Variants in ARMC10 observed in about 807,000 individuals in gnomAD.
The protein encoded by ARMC10 is armadillo repeat-containing protein 10.
In ARMC10, 23 loss-of-function variants were observed where a neutral mutation model predicts 30.2. The observed-to-expected ratio is 0.76, with a 90% CI of 0.55 to 1.08. The LOEUF (loss-of-function observed/expected upper bound fraction) is 1.08. ARMC10 is among the 50% of genes least tolerant of loss of function. The pLI is 0.00. For missense variants in ARMC10, 303 were observed against 413.7 expected, an observed-to-expected ratio of 0.73 and a Z score of 2.32; for synonymous variants, 111 against 164.4, an observed-to-expected ratio of 0.68 and a Z score of 2.48.
At chr7:103,088,201 A>G (rs1344021710) in intron 4 of ARMC10, among the ~76,000 whole-genome samples, 1 of 152,212 alleles carries the variant, frequency 6.6e-6, no homozygotes, top group Admixed American at 6.5e-5. Context: ...AGACGTATAG[A>G]TCCAGATGAG....
In ARMC10 at chr7:103,075,774, C is replaced by A. The variant is rs777901204; in HGVS notation, c.140-3C>A. ...AGAGCCATAGGTCAATCTCTGCTTG[C>A]AGGTGCCCTGGAAGAAGGGACGTCA... On this transcript the variant is annotated splice_region_variant and splice_polypyrimidine_tract_variant and intron_variant, in intron 1 of 6. Transcript: ENST00000323716. 6.2e-7 allele frequency: 1 copy of A among 1,603,470 alleles called. No homozygotes were observed. Among genetic ancestry groups the A allele is most frequent in the Non-Finnish European group, 8.5e-7 (1 of 1,175,166 alleles).
Position 103,075,869 on chromosome 7 carries a change from A to C in ARMC10, c.232A>C (p.Thr78Pro), listed in dbSNP as rs1159854658. Reference protein sequence around the residue: ...GGTWESQWSKTSQPEDLTDGS... With the variant: ...GGTWESQWSKPSQPEDLTDGS... ...TACCTGGGAGTCACAGTGGTCCAAG[A>C]CCTCGCAGCCTGGTGTGTGTTTTGG... Residue 78 changes from threonine (T) to proline (P), a missense_variant, in exon 2 of 7, where the codon ACC becomes CCC. Thr to Pro is a conservative substitution (Grantham distance 38, BLOSUM62 -1). Around this residue, in one of 4 missense-constraint regions of ARMC10, gnomAD observed 96 missense variants for 84.2 expected, o/e 1.14. Transcript: ENST00000323716. 2 of 1,602,428 alleles carry C rather than the reference A, an allele frequency of 1.2e-6. No individual in the cohort carries two copies. Among genetic ancestry groups the C allele is most frequent in the South Asian group, 2.2e-5 (2 of 89,182 alleles).
intron 2 of ARMC10, chr7:103,082,042 A>T: frequency 8.2e-6 from 3 of 366,516 alleles, no homozygotes; most frequent in South Asian, 2.1e-5. Context: ...GTTTGGATGA[A>T]CCCCAAATTC....
intron 2 of ARMC10, among the ~76,000 whole-genome samples, chr7:103,083,428 G>A (rs533354621): frequency 6.6e-6 from 1 of 152,170 alleles, no homozygotes; most frequent in South Asian, 2.1e-4. Flanking sequence ...AGACCAGCCT[G>A]GGCAACATAG....
chr7:103,092,544 G>T lies in ARMC10; in HGVS notation c.596G>T (p.Gly199Val). The change falls in exon 5 of 7, where the codon GGA becomes GTA. Residue 199 changes from glycine (G) to valine (V), a missense_variant. Around this residue, in one of 4 missense-constraint regions of ARMC10, gnomAD observed 170 missense variants for 207.2 expected, o/e 0.82. Coordinates refer to ENST00000323716, the MANE Select transcript of ARMC10 (RefSeq NM_031905.5). ...CTGAACTCTGCTGTGCAGCTGGCTG[G>T]ACTGACATTGTTGACAAACATGACT... ...GPLNSAVQLA[G>V]LTLLTNMTVT... 1 of 1,610,210 alleles carries T rather than the reference G, an allele frequency of 6.2e-7. No individual in the cohort carries two copies.
At chr7:103,097,999 G>A (rs1413781121) in intron 6 of ARMC10, among the ~76,000 whole-genome samples, 1 of 152,052 alleles carries the variant, frequency 6.6e-6, no homozygotes, top group Non-Finnish European at 1.5e-5. Context: ...AAAAGAAAAT[G>A]GTTGTTTTTC....
At chr7:103,076,914 G>A (rs1799915821) in intron 2 of ARMC10, among the ~76,000 whole-genome samples, 1 of 152,140 alleles carries the variant, frequency 6.6e-6, no homozygotes, top group South Asian at 2.1e-4. Flanking sequence ...TTTCAGACAG[G>A]GACTCCCTCT....
intron 5 of ARMC10, chr7:103,096,905 T>C: frequency 4.3e-6 from 1 of 231,302 alleles, no homozygotes; most frequent in South Asian, 1.1e-4. Flanking sequence ...CCTGACATTA[T>C]AATTGGGAAA....
intron 3 of ARMC10, among the ~76,000 whole-genome samples, chr7:103,086,057 T>C (rs1002292628): frequency 6.6e-6 from 1 of 152,168 alleles, no homozygotes; most frequent in African/African-American, 2.4e-5. Context: ...TCTTCAAGAT[T>C]CCCAATGCAC....
chr7:103,076,406 C>T (rs1055720001), intron 2 of ARMC10, among the ~76,000 whole-genome samples: 1 of 152,152 alleles, frequency 6.6e-6, no homozygotes, highest in Non-Finnish European at 1.5e-5. Context: ...TAAAAACTCA[C>T]AGAGTTGGGG....
At chr7:103,078,496 T>C (rs754319246) in intron 2 of ARMC10, among the ~76,000 whole-genome samples, 6 of 152,176 alleles carry the variant, frequency 3.9e-5, no homozygotes, top group Non-Finnish European at 8.8e-5. Context: ...TCCACCATGA[T>C]TGTAAGTTTC....
At chr7:103,098,150 A>C (rs1005017853) in intron 6 of ARMC10, 149 bp from the exon 7 acceptor site, 5 of 958,298 alleles carry the variant, frequency 5.2e-6, no homozygotes, top group South Asian at 4.6e-5. Context: ...TCTGTGACAA[A>C]ATTTTTTTAA....
intron 3 of ARMC10, among the ~76,000 whole-genome samples, chr7:103,084,247 A>G (rs1162228233): frequency 6.6e-6 from 1 of 152,236 alleles, no homozygotes; most frequent in Non-Finnish European, 1.5e-5. Context: ...CCACTAATCA[A>G]TGTAAATGGC....
intron 2 of ARMC10, chr7:103,081,977 TTAGGCAGATCC>T (rs1320103413): frequency 2.2e-6 from 1 of 455,540 alleles, no homozygotes; most frequent in Non-Finnish European, 4.4e-6. Flanking sequence ...CCCTGTGACT[TTAGGCAGATCC>T]TTGAACAATC....
chr7:103,079,059 G>C (rs1448800791), intron 2 of ARMC10, among the ~76,000 whole-genome samples: 1 of 152,104 alleles, frequency 6.6e-6, no homozygotes, highest in African/African-American at 2.4e-5. Flanking sequence ...TGAGAGCATT[G>C]AAAAAGACGG....
intron 2 of ARMC10, among the ~76,000 whole-genome samples, chr7:103,078,305 C>G (rs1038646381): frequency 2.0e-5 from 3 of 152,274 alleles, no homozygotes; most frequent in Admixed American, 6.5e-5. Flanking sequence ...TCCCATAATC[C>G]CTACATCGTG....
At chr7:103,081,928 CT>C (rs1369112514) in intron 2 of ARMC10, 4 of 456,474 alleles carry the variant, frequency 8.8e-6, no homozygotes, top group Non-Finnish European at 1.8e-5. Flanking sequence ...TTACTTGTAA[CT>C]TTGATTTTTC....
chr7:103,086,742 T>A lies in ARMC10; in HGVS notation c.506T>A (p.Val169Asp). 6.3e-7 allele frequency: 1 copy of A among 1,591,374 alleles called. No homozygotes were observed. The stretch of plus-strand genomic sequence containing the variant: ...GCACTAAATAACCTGAGTGTGAATG[T>A]TGAAAATCAAATCAAGATAAAGGTA... ...LNALNNLSVN[V>D]ENQIKIKIYI... Residue 169 changes from valine to aspartate, a missense_variant, in exon 4 of 7, where the codon GTT becomes GAT. Transcript: ENST00000323716.
intron 4 of ARMC10, among the ~76,000 whole-genome samples, chr7:103,090,417 T>G (rs995153529): frequency 1.3e-5 from 2 of 152,172 alleles, no homozygotes; most frequent in African/African-American, 4.8e-5. Flanking sequence ...ATCCCAACAC[T>G]TGGGAGCCAC....
Sources: gnomAD v4.1 joint callset for allele counts (sites outside exome capture counted in the v4.1 genomes callset) on GRCh38, gnomAD v4.1.1 for gene constraint, gnomAD v4.1.1 regional missense constraint, MANE v1.5 for transcripts, NCBI Gene and HGNC (gene_info 2026-07-23, HGNC 2026-07-21) for gene names.